Variants in FBN3 observed in about 807,000 individuals in gnomAD.
The protein encoded by FBN3 is fibrillin-3.
A neutral mutation model predicts 330.1 loss-of-function variants in FBN3; 234 were observed. The observed-to-expected ratio is 0.71, with a 90% CI of 0.64 to 0.79. The LOEUF is 0.79. Among genes scored for constraint, FBN3 ranks in the 30% least tolerant of loss-of-function variants. The pLI is 0.00. For missense variants in FBN3, 3,606 were observed against 3,886.9 expected, an observed-to-expected ratio of 0.93 and a Z score of 1.92; for synonymous variants, 1,458 against 1,517.3, an observed-to-expected ratio of 0.96 and a Z score of 0.91.
rs200054474 is a variant in FBN3 at position 8,136,268 on chromosome 19, A to G, written c.1387T>C (p.Cys463Arg). ...TGGTAGGTGCCGGGGATGTTGACGC[A>G]GTCACCGTGGTGGCAGGGGCTGCTG... ...CTSSPCHHGD[C>R]VNIPGTYHCR... The change falls in exon 12 of 64, where the codon TGC becomes CGC. Residue 463 changes from cysteine (C) to arginine (R), a missense_variant. Physicochemically the swap from Cys to Arg is radical, Grantham distance 180 (BLOSUM62 -3). Coordinates refer to ENST00000600128, the MANE Select transcript of FBN3 (RefSeq NM_032447.5). 322 of 1,606,010 alleles carry G rather than the reference A, an allele frequency of 2.0e-4. 1 individual carries two copies. Among genetic ancestry groups the G allele is most frequent in the Non-Finnish European group, 2.7e-5 (32 of 1,177,184 alleles).
intron 13 of FBN3, 132 bp downstream of exon 13, chr19:8,135,829 G>A (rs1044150758): frequency 1.0e-6 from 1 of 987,200 alleles, no homozygotes; most frequent in East Asian, 2.6e-5. Flanking sequence ...GGGCTGCTGG[G>A]TTCAGAGGTG....
At chr19:8,068,385 C>G (rs1472348951) in intron 63 of FBN3, among the ~76,000 whole-genome samples, 1 of 93,834 alleles carries the variant, frequency 1.1e-5, no homozygotes, top group African/African-American at 3.5e-5. Flanking sequence ...AGCAAGACTC[C>G]GTCTCAAAAA....
chr19:8,075,695 G>C (rs2081624614), intron 59 of FBN3, among the ~76,000 whole-genome samples: 1 of 152,242 alleles, frequency 6.6e-6, no homozygotes, highest in African/African-American at 2.4e-5. Context: ...GCTGTATATG[G>C]AGATGATAAT....
Position 8,138,580 on chromosome 19 carries a change from G to C in FBN3, c.866-16C>G, listed in dbSNP as rs757808096. 6 of 1,592,838 alleles carry C rather than the reference G, an allele frequency of 3.8e-6. No homozygotes were observed. Among genetic ancestry groups the C allele is most frequent in the Non-Finnish European group, 5.1e-6 (6 of 1,171,536 alleles). ...GCCCGGTAGTCTGCAAAAGATCAGA[G>C]GGTGAGCCCATGAGCACAGGACATC... On this transcript the variant is annotated splice_polypyrimidine_tract_variant and intron_variant, in intron 8 of 63. Coordinates refer to ENST00000600128, the MANE Select transcript of FBN3 (RefSeq NM_032447.5).
intron 40 of FBN3, 138 bp downstream of exon 40, chr19:8,102,586 T>C (rs911172884): frequency 6.2e-6 from 5 of 806,920 alleles, no homozygotes; most frequent in African/African-American, 5.1e-5. Context: ...AATGGACTAA[T>C]AGAGGGACAA....
At chr19:8,127,059 G>GTTT (rs869282535) in intron 18 of FBN3, among the ~76,000 whole-genome samples, 35 of 103,880 alleles carry the variant, frequency 3.4e-4, no homozygotes, top group Non-Finnish European at 5.2e-4. Flanking sequence ...TTTTTTTTTT[G>GTTT]TTTTTTTTTT....
intron 59 of FBN3, among the ~76,000 whole-genome samples, chr19:8,077,613 T>G (rs1440888710): frequency 6.6e-6 from 1 of 152,078 alleles, no homozygotes; most frequent in East Asian, 1.9e-4. Context: ...CGCTCCAGCC[T>G]GGGCGACAGA....
At position 8,149,366 on chromosome 19, in the gene FBN3, C is replaced by A. The variant is rs942932651; in HGVS notation, c.-18+83G>T. The A allele has an allele frequency of 1.3e-5, 2 of 151,750 alleles. No homozygotes were observed. Among genetic ancestry groups the A allele is most frequent in the Non-Finnish European group, 2.9e-5 (2 of 67,884 alleles). The allele number at this position is 151,750 out of a possible 1,614,324, so 9.4% of individuals were successfully genotyped here. On this transcript the variant is annotated intron_variant, in intron 1 of 63. Coordinates refer to ENST00000600128, the MANE Select transcript of FBN3 (RefSeq NM_032447.5). The surrounding 1 kb of genome is among the most constrained non-coding windows in gnomAD (Gnocchi z 5.5). ...AACAAAGGAATCCTCTCCCCCTCCC[C>A]CTGCCGGCCCCCCCGCCCCCGCCTT...
chr19:8,125,032 T>A, intron 22 of FBN3, among the ~76,000 whole-genome samples: 1 of 152,184 alleles, frequency 6.6e-6, no homozygotes, highest in East Asian at 1.9e-4. Context: ...CTAACCCCAG[T>A]GCAAGATGTT....
At position 8,095,676 on chromosome 19, in the gene FBN3, A is replaced by G. The variant is rs556512816; in HGVS notation, c.5657-173T>C. On this transcript the variant is annotated intron_variant, in intron 45 of 63. Transcript: ENST00000600128. ...CCTATCTTATGAGGTAGTTGCTGAT[A>G]TTTTCTAATATAACCATGTAATGCT... Among the ~76,000 whole-genome samples, 14 of 152,178 alleles carry G rather than the reference A, an allele frequency of 9.2e-5. No homozygotes were observed. In the South Asian group the frequency reaches 2.9e-3, roughly 32 times the overall value.
Position 8,136,550 on chromosome 19 carries a change from G to A in FBN3, c.1202-19C>T. 1 of 1,613,602 alleles carries A rather than the reference G, an allele frequency of 6.2e-7. No individual in the cohort carries two copies. Among genetic ancestry groups the A allele is most frequent in the Non-Finnish European group, 8.5e-7 (1 of 1,179,664 alleles). On this transcript the variant is annotated intron_variant, in intron 10 of 63. Transcript: ENST00000600128. ...GCAGTGCCTACGGGTGGGGCCGGCA[G>A]AGGCATCTGAGCAGTGGCTGGCCCC...
chr19:8,108,275 T>C lies in FBN3; in HGVS notation c.4619-37A>G, dbSNP rs1471292537. On this transcript the variant is annotated intron_variant, in intron 36 of 63. Transcript: ENST00000600128. ...AACAGGCTCCTGTGAGGTGGGGTATTGGGGCAAAGCTTAGGGGAAACAGGG... is the reference window on the plus strand; with the variant it reads ...AACAGGCTCCTGTGAGGTGGGGTATCGGGGCAAAGCTTAGGGGAAACAGGG... The C allele has an allele frequency of 9.6e-6, 15 of 1,560,714 alleles. No individual in the cohort carries two copies. The African/African-American group carries it at 1.2e-4, about 13-fold the overall frequency.
intron 38 of FBN3, among the ~76,000 whole-genome samples, chr19:8,105,041 G>A (rs1332802088): frequency 1.3e-5 from 2 of 151,288 alleles, no homozygotes; most frequent in South Asian, 2.1e-4. Flanking sequence ...TGCAACCTCC[G>A]CCTCCCAGGT....
At chr19:8,106,811 A>G (rs1396114970) in intron 37 of FBN3, among the ~76,000 whole-genome samples, 1 of 151,162 alleles carries the variant, frequency 6.6e-6, no homozygotes, top group African/African-American at 2.4e-5. Context: ...GGGGGAATAG[A>G]AAGGGAGTAG....
At chr19:8,126,863 G>A in intron 18 of FBN3, 31 bp from the exon 19 acceptor site, 1 of 1,518,958 alleles carries the variant, frequency 6.6e-7, no homozygotes, top group African/African-American at 1.4e-5. Context: ...CAGGTCCTGA[G>A]CTGCAGGAGG....
rs201284127 is a variant in FBN3, at chr19:8,112,113, A to G, written c.3839-14T>C. On this transcript the variant is annotated splice_polypyrimidine_tract_variant and intron_variant, in intron 30 of 63. Coordinates refer to ENST00000600128, the MANE Select transcript of FBN3 (RefSeq NM_032447.5). ...ATTCATCCACATCTAAAGGGAGAGG[A>G]GGCACGACGCCAAGACCCAGTCACA... 8.8e-5 allele frequency: 141 copies of G among 1,610,998 alleles called. 1 individual carries two copies. In the East Asian group the frequency reaches 1.6e-3, roughly 18 times the overall value.
At position 8,086,281 on chromosome 19, in the gene FBN3, G is replaced by A. The variant is rs761811440; in HGVS notation, c.6799C>T (p.Arg2267Cys). The A allele has an allele frequency of 1.2e-5, 19 of 1,612,478 alleles. No homozygotes were observed. The East Asian group carries it at 1.3e-4, about 11-fold the overall frequency. Residue 2267 changes from arginine to cysteine, a missense_variant, in exon 55 of 64, where the codon CGC becomes TGC. Physicochemically the swap from Arg to Cys is radical, Grantham distance 180. Transcript: ENST00000600128. ...AAGCTGCCCGCGGTGTTGACACAGC[G>A]GCCGTTGACACAGAGGTCAGGCTGA... ...HAQPDLCVNG[R>C]CVNTAGSFRC...
rs1599391809 is a variant in FBN3, at chr19:8,121,794, G to A, written c.3083-408C>T. ...AGACAGAGTCTTGCTCTGTCACCCA[G>A]GATGGAGTGCAGTGATGCAATCTCG... On this transcript the variant is annotated intron_variant, in intron 24 of 63. Coordinates refer to ENST00000600128, the MANE Select transcript of FBN3 (RefSeq NM_032447.5). This position sits in a 1 kb window ranked among gnomAD's most constrained non-coding sequence, Gnocchi z 4.5. 6.6e-6 allele frequency among the ~76,000 whole-genome samples: 1 copy of A among 152,028 alleles called. No individual in the cohort carries two copies. The highest frequency in any genetic ancestry group is 6.5e-5 in the Admixed American group (1 of 15,268).
intron 63 of FBN3, among the ~76,000 whole-genome samples, chr19:8,068,490 A>G (rs1186668749): frequency 2.0e-5 from 3 of 152,110 alleles, no homozygotes; most frequent in East Asian, 3.9e-4. Flanking sequence ...TGAGCCCAGG[A>G]GTTTGAGACC....
Sources: gnomAD v4.1 joint callset for allele counts (sites outside exome capture counted in the v4.1 genomes callset) on GRCh38, gnomAD v4.1.1 for gene constraint, Gnocchi (gnomAD v3.1) non-coding constraint, MANE v1.5 for transcripts, NCBI Gene and HGNC (gene_info 2026-07-23, HGNC 2026-07-21) for gene names.